Variants in HOMER1 observed in about 807,000 individuals in gnomAD.
HOMER1 encodes the protein homer scaffold protein 1, also known as homer protein homolog 1.
HOMER1 carries 3 observed loss-of-function variants against 48.9 expected under a neutral mutation model. The observed-to-expected ratio is 0.06, with a 90% CI of 0.03 to 0.16. The LOEUF (loss-of-function observed/expected upper bound fraction) is 0.16, where lower values mean the gene tolerates loss of function less well. Ranked by LOEUF, HOMER1 falls within the 10% of genes least tolerant of loss-of-function variation. The pLI, the probability that HOMER1 is intolerant of heterozygous loss-of-function variation, is 1.00. For synonymous variants in HOMER1, 134 were observed against 146.4 expected (o/e 0.92, Z 0.61); for missense variants, 247 against 411.4 (o/e 0.60, Z 3.46).
At chr5:79,400,997 A>C (rs1040427135) in intron 6 of HOMER1, among the ~76,000 whole-genome samples, 1 of 148,572 alleles carries the variant, frequency 6.7e-6, no homozygotes. Context: ...CTAATCTCAA[A>C]CTCTTGGCCT....
rs1751861946 is a variant in HOMER1, at chr5:79,478,769, T to G, written c.6-21751A>C. On this transcript the variant is annotated intron_variant, in intron 1 of 8. Coordinates refer to ENST00000334082, the MANE Select transcript of HOMER1 (RefSeq NM_004272.5). ...GAGTTCGAGACCAGCCTGACCAACA[T>G]GGTGAAACCGTATCTCTACTAAAAA... 2.0e-5 allele frequency among the ~76,000 whole-genome samples: 3 copies of G among 152,120 alleles called. No homozygotes were observed. In the South Asian group the frequency reaches 6.2e-4, roughly 31 times the overall value.
At chr5:79,433,379 C>T (rs1364121051) in intron 5 of HOMER1, among the ~76,000 whole-genome samples, 1 of 152,106 alleles carries the variant, frequency 6.6e-6, no homozygotes, top group Admixed American at 6.5e-5. Flanking sequence ...ACCAGCCTGG[C>T]TTACATGCTG....
chr5:79,457,313 C>A (rs1751201137), intron 1 of HOMER1, among the ~76,000 whole-genome samples: 1 of 152,314 alleles, frequency 6.6e-6, no homozygotes, highest in Middle Eastern at 3.4e-3. Context: ...TTCACAGACA[C>A]ACACAGGGCA....
Position 79,396,776 on chromosome 5 carries a change from G to C in HOMER1, c.876+47C>G, listed in dbSNP as rs757811094. The C allele has an allele frequency of 3.6e-6, 4 of 1,110,292 alleles. No individual in the cohort carries two copies. In the South Asian group the frequency reaches 5.7e-5, roughly 16 times the overall value. 68.8% of individuals were successfully genotyped at this position (1,110,292 alleles called of 1,614,324 possible). ...AAAAGTCAGTGCTATGTGAAAAAAT[G>C]ATGCCTTTCTATGCAGAAGTGAATA... On this transcript the variant is annotated intron_variant, in intron 8 of 8. Coordinates refer to ENST00000334082, the MANE Select transcript of HOMER1 (RefSeq NM_004272.5).
chr5:79,502,952 G>T (rs917471025), intron 1 of HOMER1, among the ~76,000 whole-genome samples: 1 of 151,104 alleles, frequency 6.6e-6, no homozygotes, highest in Admixed American at 6.6e-5. Flanking sequence ...CACCACGCCC[G>T]GCTAATTTTT....
At chr5:79,509,941 T>C (rs1288453262) in intron 1 of HOMER1, among the ~76,000 whole-genome samples, 1 of 152,212 alleles carries the variant, frequency 6.6e-6, no homozygotes, top group Non-Finnish European at 1.5e-5. Flanking sequence ...TAGATATCTA[T>C]TACAGTAAGG....
At chr5:79,507,078 T>G (rs1752794248) in intron 1 of HOMER1, among the ~76,000 whole-genome samples, 1 of 151,344 alleles carries the variant, frequency 6.6e-6, no homozygotes, top group African/African-American at 2.4e-5. Flanking sequence ...CCAGGTGTGG[T>G]GGCGCGCACC....
Position 79,374,239 on chromosome 5 carries a change from CCT to C in HOMER1, c.*1768_*1769del, listed in dbSNP as rs1748702588. ...GAGCATGTGTATCTAAATTATTCTC[CCT>C]ATAATATATAGGTGAGGAAAATATC... is the stretch of plus-strand genomic sequence containing the variant. On this transcript the variant is annotated 3_prime_UTR_variant, in exon 9 of 9. Coordinates refer to ENST00000334082, the MANE Select transcript of HOMER1 (RefSeq NM_004272.5). 10 of 152,358 alleles carry C rather than the reference CCT, an allele frequency of 6.6e-5. No individual in the cohort carries two copies. In the South Asian group the frequency reaches 2.1e-3, roughly 32 times the overall value. The allele number at this position is 152,358 out of a possible 1,614,324, so 9.4% of individuals were successfully genotyped here. A position where few individuals can be genotyped will look rare whatever the true frequency, so the allele number is the denominator to read the frequency against.
intron 5 of HOMER1, among the ~76,000 whole-genome samples, chr5:79,438,768 C>T (rs578008178): frequency 2.0e-5 from 3 of 151,746 alleles, no homozygotes; most frequent in South Asian, 4.1e-4. Context: ...TAGCCTAGTG[C>T]TCCTTTTTCT....
chr5:79,452,720 CCTTT>C (rs1751062191), intron 2 of HOMER1, among the ~76,000 whole-genome samples: 1 of 152,176 alleles, frequency 6.6e-6, no homozygotes, highest in African/African-American at 2.4e-5. Context: ...GTGGTCCCTT[CCTTT>C]CTCTCAGACA....
At chr5:79,503,526 C>G (rs1459961764) in intron 1 of HOMER1, among the ~76,000 whole-genome samples, 1 of 80,426 alleles carries the variant, frequency 1.2e-5, no homozygotes, top group Non-Finnish European at 2.0e-5. Flanking sequence ...GAGACTCTGT[C>G]ACAAAGAGAA....
chr5:79,484,245 A>G (rs1752033969), intron 1 of HOMER1, among the ~76,000 whole-genome samples: 1 of 152,194 alleles, frequency 6.6e-6, no homozygotes, highest in Non-Finnish European at 1.5e-5. Flanking sequence ...GAAAAGGTAT[A>G]GTTAGTAAGC....
At chr5:79,383,197 A>G (rs928185448) in intron 8 of HOMER1, among the ~76,000 whole-genome samples, 20 of 152,310 alleles carry the variant, frequency 1.3e-4, no homozygotes, top group African/African-American at 4.8e-4. Context: ...CAACACTGGC[A>G]CACCTAAATT....
intron 5 of HOMER1, among the ~76,000 whole-genome samples, chr5:79,409,205 G>T (rs1208671912): frequency 1.3e-5 from 2 of 150,188 alleles, no homozygotes; most frequent in East Asian, 4.0e-4. Flanking sequence ...GGTCAAGGTG[G>T]GCAGATCACT....
chr5:79,500,953 G>GTGTGAGAC (rs1491130611), intron 1 of HOMER1, among the ~76,000 whole-genome samples: 1 of 113,758 alleles, frequency 8.8e-6, no homozygotes, highest in African/African-American at 3.5e-5. Context: ...GTGTGTGTGT[G>GTGTGAGAC]AGACAGACAG....
At chr5:79,424,558 C>G (rs1750191617) in intron 5 of HOMER1, among the ~76,000 whole-genome samples, 1 of 151,952 alleles carries the variant, frequency 6.6e-6, no homozygotes. Context: ...AAACTACCCA[C>G]AAGAGTTATT....
chr5:79,499,538 T>C (rs7713777), intron 1 of HOMER1, among the ~76,000 whole-genome samples: 12,791 of 152,180 alleles, frequency 0.084, 1,165 homozygotes, highest in East Asian at 0.22. Context: ...GTTAACTGCA[T>C]ACCTTAGAAG....
intron 3 of HOMER1, among the ~76,000 whole-genome samples, 199 bp from the exon 4 acceptor site, chr5:79,447,344 T>C (rs576355782): frequency 2.6e-5 from 4 of 152,318 alleles, no homozygotes; most frequent in Non-Finnish European, 4.4e-5. Flanking sequence ...CTATGAAGTA[T>C]TTTGACAAAT....
intron 2 of HOMER1, among the ~76,000 whole-genome samples, chr5:79,454,146 G>A (rs1027675794): frequency 1.3e-5 from 2 of 152,216 alleles, no homozygotes; most frequent in African/African-American, 4.8e-5. Flanking sequence ...AAGAACACAT[G>A]AGGATTATGT....
Sources: gnomAD v4.1 joint callset for allele counts (sites outside exome capture counted in the v4.1 genomes callset) on GRCh38, gnomAD v4.1.1 for gene constraint, MANE v1.5 for transcripts, NCBI Gene and HGNC (gene_info 2026-07-23, HGNC 2026-07-21) for gene names.